The following MBD1 variants were observed in gnomAD, a reference collection of about 807,000 sequenced individuals.
MBD1 encodes methyl-CpG-binding domain protein 1.
A neutral mutation model predicts 82.6 loss-of-function variants in MBD1; 25 were observed. That is an observed-to-expected ratio of 0.30 (90% confidence interval 0.22 to 0.42). MBD1 has a LOEUF of 0.42. Among genes scored for constraint, MBD1 ranks in the 10% least tolerant of loss-of-function variants. MBD1 has a pLI of 1.00. For synonymous variants in MBD1, 301 were observed against 303.7 expected (o/e 0.99, Z 0.09); for missense variants, 627 against 819.6 (o/e 0.76, Z 2.87).
chr18:50,274,847 C>G, intron 10 of MBD1, 130 bp downstream of exon 10: 1 of 923,542 alleles, frequency 1.1e-6, no homozygotes, highest in East Asian at 2.6e-5. Context: ...CCATTATCTA[C>G]TCATCCCATC....
At position 50,277,508 on chromosome 18, in the gene MBD1, T is replaced by C. The variant is rs376111746; in HGVS notation, c.111-304A>G. On this transcript the variant is annotated intron_variant, in intron 2 of 16. Coordinates refer to ENST00000269468, the MANE Select transcript of MBD1 (RefSeq NM_015846.4). The stretch of plus-strand genomic sequence containing the variant: ...CACAAATAGGAACACAAATATATTA[T>C]ATTTGTGTTATATATATATAACACA... 4.5e-4 allele frequency among the ~76,000 whole-genome samples: 68 copies of C among 152,026 alleles called. 1 individual carries two copies. In the Middle Eastern group the frequency reaches 0.021, roughly 46 times the overall value.
At chr18:50,271,635 A>C in intron 15 of MBD1, 95 bp from the exon 16 acceptor site, 1 of 1,278,866 alleles carries the variant, frequency 7.8e-7, no homozygotes, top group East Asian at 2.3e-5. Context: ...TGTGTCCTCC[A>C]TCCACTTCCC....
Position 50,275,672 on chromosome 18 carries a change from G to A in MBD1, c.720C>T (p.Cys240=). ...GCQTQEDCGH[C]PICLRPPRPG... is the part of the protein sequence containing the mutation. ...GGCGGGGAGGGCGAAGGCAGATGGG[G>A]CAATGGCCACAATCCTCTTGGGTCT... The change falls in exon 8 of 17, where the codon TGC becomes TGT. Residue 240 remains cysteine, a synonymous_variant. Coordinates refer to ENST00000269468, the MANE Select transcript of MBD1 (RefSeq NM_015846.4). 6.2e-7 allele frequency: 1 copy of A among 1,614,186 alleles called. No individual in the cohort carries two copies. The highest frequency in any genetic ancestry group is 8.5e-7 in the Non-Finnish European group (1 of 1,180,024).
intron 2 of MBD1, among the ~76,000 whole-genome samples, chr18:50,278,098 G>A (rs940177211): frequency 6.6e-6 from 1 of 152,184 alleles, no homozygotes; most frequent in African/African-American, 2.4e-5. Context: ...TGGTTACTGT[G>A]TGACTAACAG....
intron 2 of MBD1, among the ~76,000 whole-genome samples, chr18:50,277,602 T>C (rs1397039545): frequency 6.6e-6 from 1 of 152,038 alleles, no homozygotes; most frequent in Non-Finnish European, 1.5e-5. Context: ...AAATATGTTT[T>C]AAAAACATAT....
rs201765310 is a variant in MBD1 at position 50,269,719 on chromosome 18, C to T, written c.*132G>A. On this transcript the variant is annotated 3_prime_UTR_variant, in exon 17 of 17. Transcript: ENST00000269468. ...GTGAGAGACTGACATGGGTTCCAGG[C>T]CATCCTCGTGGGTTCCAGCTCGTGC... The T allele has an allele frequency of 1.2e-5, 9 of 780,894 alleles. No individual in the cohort carries two copies. The highest frequency in any genetic ancestry group is 2.2e-5 in the Non-Finnish European group (9 of 418,182). 48.4% of individuals were successfully genotyped at this position (780,894 alleles called of 1,614,324 possible). A position where few individuals can be genotyped will look rare whatever the true frequency, so the allele number is the denominator to read the frequency against.
intron 1 of MBD1, 149 bp from the exon 2 acceptor site, chr18:50,280,166 C>T (rs2039654562): frequency 3.0e-6 from 2 of 670,884 alleles, no homozygotes; most frequent in South Asian, 1.9e-5. Context: ...GGAAAAGAAA[C>T]CCCTCATATT....
At position 50,271,496 on chromosome 18, in the gene MBD1, C is replaced by T. The variant is rs761825523; in HGVS notation, c.*5G>A. On this transcript the variant is annotated 3_prime_UTR_variant, in exon 16 of 17. Coordinates refer to ENST00000269468, the MANE Select transcript of MBD1 (RefSeq NM_015846.4). ...TGAATCCTACAGTCTGTAGAAGCCT[C>T]CAGTCTACTGCTTTCTAGCTCCAGG... The T allele has an allele frequency of 1.9e-6, 3 of 1,614,132 alleles. No homozygotes were observed. In the Admixed American group the frequency reaches 5.0e-5, roughly 27 times the overall value.
chr18:50,270,411 G>A, intron 16 of MBD1: 1 of 484,474 alleles, frequency 2.1e-6, no homozygotes, highest in South Asian at 1.7e-5. Context: ...GCCAAGACTG[G>A]CTCTTGGGCA....
chr18:50,273,668 C>T lies in MBD1; in HGVS notation c.1342G>A (p.Val448Met), dbSNP rs779250333. Residue 448 changes from valine to methionine, a missense_variant, in exon 12 of 17, where the codon GTG (valine) becomes ATG (methionine). Val to Met is a conservative substitution (Grantham distance 21). Transcript: ENST00000269468. ...PTKQEAGGGF[V>M]LPPPGTDLVF... ...AGGTCAGTGCCAGGCGGGGGCAGCA[C>T]AAAGCCACCACCTGCTTCCTGCTTC... 54 of 1,614,068 alleles carry T rather than the reference C, an allele frequency of 3.3e-5. No homozygotes were observed. In the South Asian group the frequency reaches 5.7e-4, roughly 17 times the overall value.
chr18:50,274,765 C>T (rs1011021836), intron 10 of MBD1, among the ~76,000 whole-genome samples: 1 of 152,246 alleles, frequency 6.6e-6, no homozygotes, highest in Non-Finnish European at 1.5e-5. Context: ...TCAATCCCCA[C>T]ATCAGCTACC....
upstream of MBD1, chr18:50,281,718 C>T (rs967671430): frequency 1.0e-5 from 4 of 391,278 alleles, no homozygotes; most frequent in Middle Eastern, 6.5e-4. Context: ...CTAACCCCTT[C>T]GAGGGACTGG....
rs764483183 is a variant in MBD1 at position 50,269,718 on chromosome 18, G to C, written c.*133C>G. On this transcript the variant is annotated 3_prime_UTR_variant, in exon 17 of 17. Coordinates refer to ENST00000269468, the MANE Select transcript of MBD1 (RefSeq NM_015846.4). ...GGTGAGAGACTGACATGGGTTCCAGGCCATCCTCGTGGGTTCCAGCTCGTG... is the reference window on the plus strand; with the variant it reads ...GGTGAGAGACTGACATGGGTTCCAGCCCATCCTCGTGGGTTCCAGCTCGTG... The C allele has an allele frequency of 1.0e-5, 8 of 780,830 alleles. No individual in the cohort carries two copies. The highest frequency in any genetic ancestry group is 1.9e-5 in the Non-Finnish European group (8 of 418,158). 48.4% of individuals were successfully genotyped at this position (780,830 alleles called of 1,614,324 possible). A position where few individuals can be genotyped will look rare whatever the true frequency, so the allele number is the denominator to read the frequency against.
downstream of MBD1, among the ~76,000 whole-genome samples, chr18:50,268,476 C>T (rs2034237354): frequency 1.3e-5 from 2 of 152,276 alleles, no homozygotes; most frequent in Admixed American, 1.3e-4. Context: ...TCCCTCTGGC[C>T]CTAGCCCAAG....
At position 50,272,975 on chromosome 18, in the gene MBD1, G is replaced by A. The variant is rs751283228; in HGVS notation, c.1585-20C>T. The A allele has an allele frequency of 3.7e-6, 6 of 1,613,842 alleles. No individual in the cohort carries two copies. The highest frequency in any genetic ancestry group is 3.3e-4 in the Middle Eastern group (2 of 6,024). On this transcript the variant is annotated intron_variant, in intron 13 of 16. Coordinates refer to ENST00000269468, the MANE Select transcript of MBD1 (RefSeq NM_015846.4). ...TACTGCCTGGGAGAAGTAGGAAACA[G>A]GCAACCATTAGAAGGGCAGAGTTCA...
chr18:50,273,294 T>C, intron 13 of MBD1, 40 bp downstream of exon 13: 1 of 1,612,230 alleles, frequency 6.2e-7, no homozygotes, highest in Non-Finnish European at 8.5e-7. Context: ...TACAGACCAC[T>C]CCGCTACGGC....
chr18:50,271,322 T>C, intron 16 of MBD1, 147 bp downstream of exon 16: 1 of 1,535,620 alleles, frequency 6.5e-7, no homozygotes, highest in Non-Finnish European at 8.7e-7. Flanking sequence ...TTCTAGAAGC[T>C]CAAAGTACTC....
downstream of MBD1, among the ~76,000 whole-genome samples, chr18:50,268,182 A>C (rs2034159241): frequency 6.6e-6 from 1 of 152,218 alleles, no homozygotes; most frequent in African/African-American, 2.4e-5. Context: ...CCCCCACCAC[A>C]CATCCTCCGG....
In MBD1 at chr18:50,276,426, G is replaced by A. The variant is rs755162599; in HGVS notation, c.476-8C>T. The A allele has an allele frequency of 5.6e-6, 9 of 1,614,028 alleles. No homozygotes were observed. In the South Asian group the frequency reaches 6.6e-5, roughly 12 times the overall value. ...TGAAGGCAATTCTCTGTGCTGTGGG[G>A]AGGAAGAGGGAAGAAGAAAAGTGGA... On this transcript the variant is annotated splice_polypyrimidine_tract_variant and splice_region_variant and intron_variant, in intron 5 of 16. Transcript: ENST00000269468.
Sources: gnomAD v4.1 joint callset for allele counts (sites outside exome capture counted in the v4.1 genomes callset) on GRCh38, gnomAD v4.1.1 for gene constraint, MANE v1.5 for transcripts, NCBI Gene and HGNC (gene_info 2026-07-23, HGNC 2026-07-21) for gene names.